Variants in SRSF2 observed in about 807,000 individuals in gnomAD.
The protein encoded by SRSF2 is serine and arginine rich splicing factor 2, also known as serine/arginine-rich splicing factor 2.
In SRSF2, 4 loss-of-function variants were observed where a neutral mutation model predicts 15.7. That is an observed-to-expected ratio of 0.26 (90% CI 0.13 to 0.58). The LOEUF is 0.58. SRSF2 is among the 20% of genes least tolerant of loss of function. SRSF2 has a pLI of 0.90. For missense variants in SRSF2, 147 were observed against 332.4 expected (o/e 0.44, Z 4.34); for synonymous variants, 192 against 138.9 (o/e 1.38, Z -2.69).
intron 1 of SRSF2, 85 bp downstream of exon 1, chr17:76,736,714 G>A (rs940411297): frequency 8.9e-6 from 12 of 1,343,376 alleles, no homozygotes; most frequent in Admixed American, 3.8e-5. Context: ...CCCGCACCAC[G>A]TGCTTCGCCG....
chr17:76,734,425 A>G lies in SRSF2; in HGVS notation c.*741T>C. On this transcript the variant is annotated 3_prime_UTR_variant, in exon 3 of 3. Coordinates refer to ENST00000359995, the MANE Select transcript of SRSF2 (RefSeq NM_001195427.2). The stretch of plus-strand genomic sequence containing the variant: ...GTTGTCAGGCATTTTAATAAACTGG[A>G]CAGCCATTTGTTTCTGCACGACAAG... The G allele has an allele frequency of 4.1e-6, 1 of 243,338 alleles. No homozygotes were observed. The highest frequency in any genetic ancestry group is 8.6e-6 in the Non-Finnish European group (1 of 115,610). The allele number at this position is 243,338 out of a possible 1,614,324, so 15.1% of individuals were successfully genotyped here.
At position 76,734,311 on chromosome 17, in the gene SRSF2, A is replaced by AG. The variant is rs1312880617; in HGVS notation, c.*854dup. ...CAGATTTACCATTTTTAGGGGGAAG[A>AG]GGGAAAAAAAGGTGTATTTATCATC... On this transcript the variant is annotated 3_prime_UTR_variant, in exon 3 of 3. Transcript: ENST00000359995. 1.3e-5 allele frequency: 3 copies of AG among 232,736 alleles called. No individual in the cohort carries two copies. The highest frequency in any genetic ancestry group is 5.7e-5 in the Admixed American group (1 of 17,566). The allele number at this position is 232,736 out of a possible 1,614,324, so 14.4% of individuals were successfully genotyped here.
In SRSF2 at chr17:76,736,306, G is replaced by A. The variant is rs949780859; in HGVS notation, c.521C>T (p.Ser174Leu). The A allele has an allele frequency of 6.2e-7, 1 of 1,614,150 alleles. No homozygotes were observed. Among genetic ancestry groups the A allele is most frequent in the Non-Finnish European group, 8.5e-7 (1 of 1,180,008 alleles). ...RSARRSKSKS[S>L]SVSRSRSRSR... is the part of the protein sequence containing the mutation. The stretch of plus-strand genomic sequence containing the variant: ...CCGCGAACGAGATCTGGAGACCGAC[G>A]AGGACTTGGACTTGGACCTTCGTGC... Residue 174 changes from serine to leucine, a missense_variant, in exon 2 of 3, where the codon TCG becomes TTG. Ser to Leu is a moderately radical substitution (Grantham distance 145). This residue lies in a region of SRSF2 where 125 missense variants were observed against 185.1 expected (regional missense o/e 0.68). Coordinates refer to ENST00000359995, the MANE Select transcript of SRSF2 (RefSeq NM_001195427.2).
chr17:76,735,781 T>A, intron 2 of SRSF2: 1 of 393,198 alleles, frequency 2.5e-6, no homozygotes, highest in South Asian at 2.6e-5. Flanking sequence ...CCTGCTCCAA[T>A]ACACGCCCAC....
In SRSF2 at chr17:76,736,233, C is replaced by T. The variant is rs1440098672; in HGVS notation, c.594G>A (p.Arg198=). The part of the protein sequence containing the change: ...RSRSPPPVSK[R]ESKSRSRSKS... ...TCGATCGCGACCTGGATTTGGATTC[C>T]CTCTTGGACACTGGGGGAGGACTCC... Residue 198 remains arginine (R), a synonymous_variant, in exon 2 of 3, where the codon AGG becomes AGA. Coordinates refer to ENST00000359995, the MANE Select transcript of SRSF2 (RefSeq NM_001195427.2). The T allele has an allele frequency of 1.1e-5, 17 of 1,613,986 alleles. No individual in the cohort carries two copies. Among genetic ancestry groups the T allele is most frequent in the Non-Finnish European group, 1.4e-5 (17 of 1,180,004 alleles).
At position 76,735,020 on chromosome 17, in the gene SRSF2, G is replaced by A. The variant is rs1450367970; in HGVS notation, c.*146C>T. ...AATGAAGTTTGCCAACTGAGGCAAA[G>A]CTTAAACAAGTAAAAAGTTAGACAA... On this transcript the variant is annotated 3_prime_UTR_variant, in exon 3 of 3. Transcript: ENST00000359995. The A allele has an allele frequency of 4.5e-6, 1 of 221,810 alleles. No homozygotes were observed. The highest frequency in any genetic ancestry group is 2.2e-5 in the African/African-American group (1 of 44,640). The allele number at this position is 221,810 out of a possible 1,614,324, so 13.7% of individuals were successfully genotyped here. A position where few individuals can be genotyped will look rare whatever the true frequency, so the allele number is the denominator to read the frequency against.
In SRSF2 at chr17:76,736,267, G is replaced by A. The variant is rs2143924929; in HGVS notation, c.560C>T (p.Ser187Phe). Residue 187 changes from serine (S) to phenylalanine (F), a missense_variant, in exon 2 of 3, where the codon TCT (serine) becomes TTT (phenylalanine). This residue lies in a region of SRSF2 where 125 missense variants were observed against 185.1 expected (regional missense o/e 0.68). Coordinates refer to ENST00000359995, the MANE Select transcript of SRSF2 (RefSeq NM_001195427.2). ...CACTGGGGGAGGACTCCTGGACCGA[G>A]ACCGGGACCTGGACCGCGAACGAGA... is the stretch of plus-strand genomic sequence containing the variant. ...SRSRSRSRSR[S>F]RSRSPPPVSK... 6.2e-7 allele frequency: 1 copy of A among 1,614,214 alleles called. No homozygotes were observed. Among genetic ancestry groups the A allele is most frequent in the Non-Finnish European group, 8.5e-7 (1 of 1,180,032 alleles).
intron 2 of SRSF2, chr17:76,735,632 T>C (rs1244584019): frequency 8.0e-6 from 2 of 250,098 alleles, no homozygotes; most frequent in East Asian, 6.0e-5. Context: ...AACTTTCTTT[T>C]GGGGTTCCAA....
At chr17:76,737,342 C>A, upstream of SRSF2, 2 of 757,332 alleles carry the variant, frequency 2.6e-6, no homozygotes, top group Non-Finnish European at 4.0e-6. Flanking sequence ...GGGCGGGCAG[C>A]CGGCCTCTGC....
chr17:76,735,503 AT>A, intron 2 of SRSF2: 1 of 229,214 alleles, frequency 4.4e-6, no homozygotes, highest in Non-Finnish European at 8.7e-6. Flanking sequence ...ACATTTGGTA[AT>A]TGAGAATACT....
rs1159844361 is a variant in SRSF2 at position 76,737,300 on chromosome 17, G to T, written c.-140C>A. 3 of 1,199,734 alleles carry T rather than the reference G, an allele frequency of 2.5e-6. No homozygotes were observed. Among genetic ancestry groups the T allele is most frequent in the South Asian group, 1.7e-5 (1 of 60,204 alleles). The allele number at this position is 1,199,734 out of a possible 1,614,324, so 74.3% of individuals were successfully genotyped here. A position where few individuals can be genotyped will look rare whatever the true frequency, so the allele number is the denominator to read the frequency against. ...CCTTGCCGCAGAACAGCACGGACGG[G>T]CTCCGCAGGCTAGCGCACCTGAGTA... On this transcript the variant is annotated 5_prime_UTR_variant, in exon 1 of 3. Coordinates refer to ENST00000359995, the MANE Select transcript of SRSF2 (RefSeq NM_001195427.2).
At chr17:76,736,534 C>G (rs2143932240) in intron 1 of SRSF2, 70 bp from the exon 2 acceptor site, 1 of 1,493,752 alleles carries the variant, frequency 6.7e-7, no homozygotes, top group Non-Finnish European at 9.0e-7. Flanking sequence ...CCGCGCGCTC[C>G]CGCCCAGGCC....
At position 76,737,256 on chromosome 17, in the gene SRSF2, G is replaced by A. The variant is rs768911692; in HGVS notation, c.-96C>T. Reference sequence around the variant, plus strand: ...CGCCTCTCAGGCAGTTGCCTTCCGCGTGGGGACACTGGGAAAGGCCTTGCC... The same window carrying A: ...CGCCTCTCAGGCAGTTGCCTTCCGCATGGGGACACTGGGAAAGGCCTTGCC... On this transcript the variant is annotated 5_prime_UTR_variant, in exon 1 of 3. In the 5' UTR this introduces an upstream ATG that the reference lacks. Coordinates refer to ENST00000359995, the MANE Select transcript of SRSF2 (RefSeq NM_001195427.2). 7.0e-7 allele frequency: 1 copy of A among 1,436,844 alleles called. No individual in the cohort carries two copies. The highest frequency in any genetic ancestry group is 9.2e-7 in the Non-Finnish European group (1 of 1,085,758). The allele number at this position is 1,436,844 out of a possible 1,614,324, so 89.0% of individuals were successfully genotyped here.
At chr17:76,735,692 G>T in intron 2 of SRSF2, 1 of 256,008 alleles carries the variant, frequency 3.9e-6, no homozygotes, top group Non-Finnish European at 7.8e-6. Context: ...ATTAGAATAT[G>T]AAGTCCCAGT....
In SRSF2 at chr17:76,736,201, G is replaced by A. The variant is rs2143922070; in HGVS notation, c.626C>T (p.Pro209Leu). The change falls in exon 2 of 3, where the codon CCC becomes CTC. Residue 209 changes from proline (P) to leucine (L), a missense_variant. Physicochemically the swap from Pro to Leu is moderately conservative, Grantham distance 98. Transcript: ENST00000359995. ...TCCTTCCTCTTCAGGAGACTTGGGG[G>A]GACTCTTCGATCGCGACCTGGATTT... ...ESKSRSRSKS[P>L]PKSPEEEGAV... is the part of the protein sequence containing the mutation. 2 of 1,613,864 alleles carry A rather than the reference G, an allele frequency of 1.2e-6. No individual in the cohort carries two copies. The highest frequency in any genetic ancestry group is 2.2e-5 in the South Asian group (2 of 91,036).
chr17:76,736,819 G>A lies in SRSF2; in HGVS notation c.342C>T (p.Gly114=), dbSNP rs537883100. The A allele has an allele frequency of 2.5e-6, 4 of 1,590,254 alleles. No homozygotes were observed. The highest frequency in any genetic ancestry group is 2.2e-5 in the South Asian group (2 of 89,812). The change falls in exon 1 of 3, where the codon GGC becomes GGT. Residue 114 remains glycine (G), a synonymous_variant. Coordinates refer to ENST00000359995, the MANE Select transcript of SRSF2 (RefSeq NM_001195427.2). ...TTTACCTGCGGCTCCGGCGTCCGTA[G>A]CCACCGCCCCCGTACCTGCGGGGTG... ...GPPPRRYGGG[G]YGRRSRSPRR...
intron 2 of SRSF2, 79 bp downstream of exon 2, chr17:76,736,075 C>G: frequency 7.2e-7 from 1 of 1,398,330 alleles, no homozygotes; most frequent in Non-Finnish European, 9.7e-7. Context: ...GTCATTCTTA[C>G]ATTAACACGA....
chr17:76,735,392 G>GAAGAAAAAAA (rs1410570280), intron 2 of SRSF2: 1 of 177,376 alleles, frequency 5.6e-6, no homozygotes, highest in Non-Finnish European at 1.1e-5. Flanking sequence ...AAGGTAAGGG[G>GAAGAAAAAAA]AAGAAAAAAA....
intron 2 of SRSF2, 101 bp downstream of exon 2, chr17:76,736,053 C>A: frequency 8.1e-7 from 1 of 1,233,032 alleles, no homozygotes; most frequent in South Asian, 1.5e-5. Context: ...AGCAGCACTC[C>A]TAATGATAGG....
Sources: gnomAD v4.1 joint callset for allele counts on GRCh38, gnomAD v4.1.1 for gene constraint, gnomAD v4.1.1 regional missense constraint, MANE v1.5 for transcripts, NCBI Gene and HGNC (gene_info 2026-07-23, HGNC 2026-07-21) for gene names.